GPHN: variants seen among roughly 807,000 people sequenced by gnomAD.
GPHN encodes gephyrin.
Under a neutral mutation model 95.5 loss-of-function variants are expected in GPHN, and 17 were observed. The ratio of observed to expected loss-of-function variants is 0.18; its 90% CI spans 0.12 to 0.27. The LOEUF is 0.27. Ranked by LOEUF, GPHN falls within the 10% of genes least tolerant of loss-of-function variation. The probability of loss-of-function intolerance (pLI) is 1.00; values close to 1 mark genes in which losing one functional copy is unlikely to be tolerated. For missense variants in GPHN, 660 were observed against 978.1 expected, an observed-to-expected ratio of 0.67 and a Z score of 4.34; for synonymous variants, 320 against 322.5, an observed-to-expected ratio of 0.99 and a Z score of 0.08.
At chr14:66,756,068 C>A (rs1283473057) in intron 2 of GPHN, among the ~76,000 whole-genome samples, 7 of 152,154 alleles carry the variant, frequency 4.6e-5, no homozygotes, top group Non-Finnish European at 8.8e-5. Flanking sequence ...TCCTTTACCT[C>A]TAACCCCAGG....
chr14:67,377,193 T>C, the GPHN span, among the ~76,000 whole-genome samples: 1 of 152,242 alleles, frequency 6.6e-6, no homozygotes, highest in Non-Finnish European at 1.5e-5. Flanking sequence ...AACGACTTTG[T>C]TGCCATTATT....
intron 5 of GPHN, among the ~76,000 whole-genome samples, chr14:66,909,301 G>C (rs143276589): frequency 6.6e-6 from 1 of 151,960 alleles, no homozygotes. Context: ...GTAGTAAAAC[G>C]TAAACATTTC....
At chr14:66,749,170 T>A (rs987081019) in intron 2 of GPHN, among the ~76,000 whole-genome samples, 22 of 151,938 alleles carry the variant, frequency 1.4e-4, no homozygotes, top group African/African-American at 5.1e-4. Flanking sequence ...CCTCCATGTC[T>A]TTTCATGGTT....
chr14:67,038,839 A>G (rs937073178), intron 10 of GPHN, among the ~76,000 whole-genome samples: 7 of 152,108 alleles, frequency 4.6e-5, no homozygotes, highest in African/African-American at 1.4e-4. Context: ...ACTAAATTTG[A>G]AATCTCCTCA....
the GPHN span, chr14:67,678,442 G>A: frequency 1.0e-5 from 16 of 1,538,058 alleles, no homozygotes; most frequent in Non-Finnish European, 1.3e-5. Context: ...TAAAGAGAAA[G>A]GTATGAAGCA....
At chr14:67,661,769 A>G in the GPHN span, among the ~76,000 whole-genome samples, 13,599 of 151,962 alleles carry the variant, frequency 0.089, 851 homozygotes, top group East Asian at 0.23. Flanking sequence ...TCTGGCCTCA[A>G]GTGATCCTCC....
chr14:66,982,905 T>C (rs1004474137), intron 9 of GPHN, among the ~76,000 whole-genome samples: 5 of 152,220 alleles, frequency 3.3e-5, no homozygotes, highest in South Asian at 4.1e-4. Flanking sequence ...ATTCATCTTA[T>C]CTGAATGCTA....
At chr14:66,583,723 G>C (rs1221189412) in intron 1 of GPHN, among the ~76,000 whole-genome samples, 15 of 151,916 alleles carry the variant, frequency 9.9e-5, no homozygotes, top group Admixed American at 6.6e-4. Context: ...TCTGAGGGCT[G>C]TGTTCTGTTC....
intron 2 of GPHN, chr14:66,709,453 T>C: frequency 2.2e-6 from 1 of 455,672 alleles, no homozygotes; most frequent in Non-Finnish European, 4.4e-6. Context: ...ATAACCCAGA[T>C]GGCTGGTAAG....
At chr14:67,269,062 T>A in the GPHN span, among the ~76,000 whole-genome samples, 2 of 152,306 alleles carry the variant, frequency 1.3e-5, no homozygotes, top group East Asian at 3.9e-4. Context: ...CAACCACTGA[T>A]CTACTTTTTG....
chr14:66,900,137 C>CT lies in GPHN; in HGVS notation c.390-15859dup, dbSNP rs202106313. 9.8e-3 allele frequency among the ~76,000 whole-genome samples: 1,481 copies of CT among 151,894 alleles called. 78 individuals are homozygous for CT. Among genetic ancestry groups the CT allele is most frequent in the Admixed American group, 0.09 (1,365 of 15,220 alleles). On this transcript the variant is annotated intron_variant, in intron 5 of 22. Transcript: ENST00000478722. Reference sequence around the variant, plus strand: ...CATTCCTGATATTGGTAATTTCCATCTTTTTTTCAGTCTTGCTTAAGATAT... The same window carrying CT: ...CATTCCTGATATTGGTAATTTCCATCTTTTTTTTCAGTCTTGCTTAAGATAT...
downstream of GPHN, among the ~76,000 whole-genome samples, chr14:67,182,815 A>G (rs1406469697): frequency 6.6e-6 from 1 of 151,638 alleles, no homozygotes; most frequent in Admixed American, 6.6e-5. Context: ...TGAGATTTCA[A>G]GGAGTAAGAT....
At chr14:66,861,900 A>G (rs2063038426) in intron 4 of GPHN, among the ~76,000 whole-genome samples, 1 of 152,104 alleles carries the variant, frequency 6.6e-6, no homozygotes, top group Non-Finnish European at 1.5e-5. Flanking sequence ...AAAAAATTCA[A>G]ATAAATAACC....
Position 66,679,948 on chromosome 14 carries a change from C to T in GPHN, c.65-1159C>T, listed in dbSNP as rs555024135. ...TCACATTTTGTGCCCCTTTCCATACCTTGTAATTTTCATCATATACCAAAT... is the reference window on the plus strand; with the variant it reads ...TCACATTTTGTGCCCCTTTCCATACTTTGTAATTTTCATCATATACCAAAT... On this transcript the variant is annotated intron_variant, in intron 1 of 22. Coordinates refer to ENST00000478722, the MANE Select transcript of GPHN (RefSeq NM_020806.5). Among the ~76,000 whole-genome samples, 124 of 152,102 alleles carry T rather than the reference C, an allele frequency of 8.2e-4. 2 individuals are homozygous for T. The South Asian group carries it at 0.025, about 30-fold the overall frequency.
the GPHN span, among the ~76,000 whole-genome samples, chr14:67,703,834 C>A: frequency 6.6e-6 from 1 of 151,936 alleles, no homozygotes; most frequent in African/African-American, 2.4e-5. Flanking sequence ...TACCACCGTG[C>A]CTGGCTAATT....
At chr14:67,150,453 C>CAAAAAAAAAAAAAAAAAAAA (rs1164806975) in intron 18 of GPHN, among the ~76,000 whole-genome samples, 12 of 98,060 alleles carry the variant, frequency 1.2e-4, no homozygotes, top group Non-Finnish European at 1.6e-4. Flanking sequence ...AAAAAAAAAA[C>CAAAAAAAAAAAAAAAAAAAA]AAAAAAAAAA....
At chr14:67,176,488 A>C (rs1228521936) in intron 21 of GPHN, among the ~76,000 whole-genome samples, 3 of 152,152 alleles carry the variant, frequency 2.0e-5, no homozygotes, top group African/African-American at 4.8e-5. Context: ...CCAGTATTTT[A>C]TTGAGGATTT....
intron 1 of GPHN, among the ~76,000 whole-genome samples, chr14:66,654,731 C>T (rs1439537067): frequency 6.6e-6 from 1 of 152,172 alleles, no homozygotes; most frequent in Non-Finnish European, 1.5e-5. Flanking sequence ...CCTTGTCTAG[C>T]ACTACTCCAG....
At chr14:67,486,082 C>G in the GPHN span, among the ~76,000 whole-genome samples, 5 of 152,220 alleles carry the variant, frequency 3.3e-5, no homozygotes, top group South Asian at 2.1e-4. Context: ...TGCTGTTTCC[C>G]AGGTGTGAGT....
Sources: allele counts gnomAD v4.1 joint callset (sites outside exome capture counted in the v4.1 genomes callset), GRCh38; gene constraint gnomAD v4.1.1; transcripts MANE v1.5; gene names NCBI Gene and HGNC (gene_info 2026-07-23, HGNC 2026-07-21).